SPG11: variants seen among roughly 807,000 people sequenced by gnomAD.
SPG11 encodes the protein spatacsin.
SPG11 carries 222 observed loss-of-function variants against 274.0 expected under a neutral mutation model. The observed-to-expected ratio is 0.81, with a 90% CI of 0.73 to 0.91. SPG11 has a LOEUF of 0.91. SPG11 is among the 40% of genes least tolerant of loss of function. The pLI, the probability that SPG11 is intolerant of heterozygous loss-of-function variation, is 0.00. For missense variants in SPG11, 3,114 were observed against 2,872.7 expected (o/e 1.08, Z -1.92); for synonymous variants, 1,144 against 1,039.7 (o/e 1.10, Z -1.93).
chr15:44,642,731 G>A (rs1283018898), intron 7 of SPG11, among the ~76,000 whole-genome samples: 2 of 151,676 alleles, frequency 1.3e-5, no homozygotes, highest in Non-Finnish European at 2.9e-5. Context: ...TTATCTGGGT[G>A]CAGTTGTATA....
In SPG11 at chr15:44,659,741, T is replaced by C. The variant is rs147856200; in HGVS notation, c.443-438A>G. 8.6e-3 allele frequency among the ~76,000 whole-genome samples: 1,307 copies of C among 152,256 alleles called. 22 individuals carry two copies. The highest frequency in any genetic ancestry group is 0.029 in the African/African-American group (1,213 of 41,536). The stretch of plus-strand genomic sequence containing the variant: ...AGCAGTCTAGATCAGCACTGTCCAA[T>C]AGAAATATAATGTGAGCCACATACA... On this transcript the variant is annotated intron_variant, in intron 2 of 39. Transcript: ENST00000261866.
chr15:44,621,622 C>A, intron 14 of SPG11, 137 bp downstream of exon 14: 3 of 837,226 alleles, frequency 3.6e-6, no homozygotes, highest in Non-Finnish European at 3.9e-6. Flanking sequence ...CTTAATGCAA[C>A]GACTTGCATT....
chr15:44,570,928 A>AG, intron 33 of SPG11, among the ~76,000 whole-genome samples: 1 of 152,300 alleles, frequency 6.6e-6, no homozygotes, highest in South Asian at 2.1e-4. Flanking sequence ...ATGAGAACAC[A>AG]GCACCCTCGC....
chr15:44,565,864 C>T lies in SPG11; in HGVS notation c.6989G>A (p.Arg2330Gln), dbSNP rs142339015. Residue 2330 changes from arginine to glutamine, a missense_variant, in exon 38 of 40, where the codon CGG becomes CAG. Arg to Gln is a conservative substitution (Grantham distance 43). Transcript: ENST00000261866. Reference sequence around the variant, plus strand: ...TGCTTTCTTGCTCACCTGGTAGAACCGAGGTAGGGCCAGAATACAGTCCAT... The same window carrying T: ...TGCTTTCTTGCTCACCTGGTAGAACTGAGGTAGGGCCAGAATACAGTCCAT... ...KLMDCILALP[R>Q]FYQASIVAEA... is the part of the protein sequence containing the mutation. 15 of 1,613,974 alleles carry T rather than the reference C, an allele frequency of 9.3e-6. No individual in the cohort carries two copies. Among genetic ancestry groups the T allele is most frequent in the East Asian group, 4.5e-5 (2 of 44,870 alleles).
chr15:44,628,899 G>A (rs1267049335), intron 9 of SPG11, 55 bp from the exon 10 acceptor site: 1 of 1,500,668 alleles, frequency 6.7e-7, no homozygotes, highest in Non-Finnish European at 9.2e-7. Flanking sequence ...TATAAACCAT[G>A]AGCTGTTATA....
chr15:44,652,064 AG>A, intron 5 of SPG11, 64 bp downstream of exon 5: 1 of 1,598,768 alleles, frequency 6.3e-7, no homozygotes, highest in East Asian at 2.2e-5. Flanking sequence ...CTTTAATGAA[AG>A]GGTACAGCGT....
At chr15:44,613,607 A>G in intron 16 of SPG11, 71 bp from the exon 17 acceptor site, 1 of 978,572 alleles carries the variant, frequency 1.0e-6, no homozygotes, top group Admixed American at 1.9e-5. Flanking sequence ...CATTTTGCTC[A>G]GGCGATGATT....
chr15:44,567,724 C>A, intron 35 of SPG11, 132 bp from the exon 36 acceptor site: 1 of 924,484 alleles, frequency 1.1e-6, no homozygotes. Flanking sequence ...AGAATAAATA[C>A]AAGTTTTATG....
chr15:44,645,102 C>A (rs2084567341), intron 7 of SPG11, among the ~76,000 whole-genome samples: 1 of 152,164 alleles, frequency 6.6e-6, no homozygotes, highest in South Asian at 2.1e-4. Context: ...AAAAAAGATC[C>A]TGAATAGCCA....
At chr15:44,652,730 C>A (rs1201908455) in intron 4 of SPG11, among the ~76,000 whole-genome samples, 1 of 151,674 alleles carries the variant, frequency 6.6e-6, no homozygotes, top group Non-Finnish European at 1.5e-5. Flanking sequence ...TCTCAGCTCA[C>A]TGCAACCTCT....
intron 11 of SPG11, among the ~76,000 whole-genome samples, chr15:44,623,754 C>G (rs2083818678): frequency 1.3e-5 from 2 of 150,300 alleles, no homozygotes; most frequent in Non-Finnish European, 2.9e-5. Flanking sequence ...GAGTACTTTT[C>G]TTTTCTTTTT....
intron 17 of SPG11, 30 bp downstream of exon 17, chr15:44,613,400 G>C (rs2083510340): frequency 4.9e-6 from 7 of 1,436,058 alleles, no homozygotes; most frequent in Non-Finnish European, 5.9e-6. Context: ...TCCAAAGCAA[G>C]TTTCTGTGTT....
chr15:44,632,757 C>G (rs964175329), intron 8 of SPG11, among the ~76,000 whole-genome samples: 11 of 152,088 alleles, frequency 7.2e-5, no homozygotes, highest in Admixed American at 2.6e-4. Flanking sequence ...GATCCTCCCA[C>G]CTTGGCCCCT....
At chr15:44,634,440 GA>G (rs1471967345) in intron 7 of SPG11, among the ~76,000 whole-genome samples, 2 of 147,594 alleles carry the variant, frequency 1.4e-5, no homozygotes, top group South Asian at 4.3e-4. Context: ...ACACCCAGCT[GA>G]TTTTTTTTTT....
Position 44,565,420 on chromosome 15 carries a change from A to G in SPG11, c.6999+434T>C, listed in dbSNP as rs116868863. ...TTAGATTTTCATAAGAAGCCCTTGC[A>G]TGTGCAGTTCACAACAGGGTTCATG... On this transcript the variant is annotated intron_variant, in intron 38 of 39. Transcript: ENST00000261866. Among the ~76,000 whole-genome samples, 927 of 152,336 alleles carry G rather than the reference A, an allele frequency of 6.1e-3. 26 individuals carry two copies. In the East Asian group the frequency reaches 0.091, roughly 15 times the overall value.
chr15:44,648,762 TC>T lies in SPG11; in HGVS notation c.1602+103del, dbSNP rs1038798057. 9.8e-6 allele frequency: 13 copies of T among 1,326,816 alleles called. No homozygotes were observed. The African/African-American group carries it at 1.9e-4, about 19-fold the overall frequency. 82.2% of individuals were successfully genotyped at this position (1,326,816 alleles called of 1,614,324 possible). ...TAAATAGATATACAAAGGCTATAGT[TC>T]TTTTTGCTGCTAAATTAAATGAATT... On this transcript the variant is annotated intron_variant, in intron 7 of 39. Transcript: ENST00000261866.
chr15:44,655,318 TTCA>T (rs1055918527), intron 4 of SPG11, among the ~76,000 whole-genome samples: 3 of 152,346 alleles, frequency 2.0e-5, no homozygotes, highest in South Asian at 2.1e-4. Context: ...TCATGTATTT[TTCA>T]TCATGTTTCG....
At chr15:44,654,701 C>T (rs900304223) in intron 4 of SPG11, among the ~76,000 whole-genome samples, 4 of 151,320 alleles carry the variant, frequency 2.6e-5, no homozygotes, top group African/African-American at 7.3e-5. Flanking sequence ...ATTAGCCAGG[C>T]GTGGGTGGTG....
chr15:44,653,486 C>T (rs1366324410), intron 4 of SPG11, among the ~76,000 whole-genome samples: 1 of 152,128 alleles, frequency 6.6e-6, no homozygotes, highest in Non-Finnish European at 1.5e-5. Context: ...ACTGGCTACA[C>T]CTCTGATAAA....
Sources: gnomAD v4.1 joint callset for allele counts (sites outside exome capture counted in the v4.1 genomes callset) on GRCh38, gnomAD v4.1.1 for gene constraint, MANE v1.5 for transcripts, NCBI Gene and HGNC (gene_info 2026-07-23, HGNC 2026-07-21) for gene names.